The following MARCHF1 variants were observed in gnomAD, a reference collection of about 807,000 sequenced individuals.
MARCHF1 encodes E3 ubiquitin-protein ligase MARCHF1.
Under a neutral mutation model 54.2 loss-of-function variants are expected in MARCHF1, and 40 were observed. That is an observed-to-expected ratio of 0.74 (90% CI 0.57 to 0.96). The LOEUF (loss-of-function observed/expected upper bound fraction) is 0.96, where lower values mean the gene tolerates loss of function less well. Among genes scored for constraint, MARCHF1 ranks in the 40% least tolerant of loss-of-function variants. MARCHF1 has a pLI of 0.00. For synonymous variants in MARCHF1, 236 were observed against 236.3 expected (o/e 1.00, Z 0.01); for missense variants, 586 against 656.5 (o/e 0.89, Z 1.17).
chr4:163,599,634 T>C (rs575273107), intron 7 of MARCHF1, among the ~76,000 whole-genome samples: 3 of 152,324 alleles, frequency 2.0e-5, no homozygotes, highest in African/African-American at 7.2e-5. Flanking sequence ...TGTTTTATTA[T>C]CTGTATTCTC....
At chr4:164,106,093 G>A (rs55696424) in intron 2 of MARCHF1, among the ~76,000 whole-genome samples, 77 of 151,536 alleles carry the variant, frequency 5.1e-4, no homozygotes, top group Middle Eastern at 6.8e-3. Context: ...TTAGAATGGC[G>A]ATCATTAAGA....
chr4:164,059,504 CT>C (rs1275465328), intron 2 of MARCHF1, among the ~76,000 whole-genome samples: 2 of 152,164 alleles, frequency 1.3e-5, no homozygotes, highest in African/African-American at 2.4e-5. Flanking sequence ...AAACATGCTT[CT>C]TTAGCTTTAT....
At chr4:164,239,737 T>C (rs73870830) in intron 1 of MARCHF1, among the ~76,000 whole-genome samples, 1 of 152,298 alleles carries the variant, frequency 6.6e-6, no homozygotes, top group African/African-American at 2.4e-5. Flanking sequence ...AACTTGATCA[T>C]CTCTCAAAAA....
At chr4:163,777,947 G>A (rs1213563085) in intron 4 of MARCHF1, among the ~76,000 whole-genome samples, 1 of 152,136 alleles carries the variant, frequency 6.6e-6, no homozygotes, top group African/African-American at 2.4e-5. Context: ...CGCCAAATTA[G>A]TGGCCATTGG....
At chr4:163,758,860 A>G (rs1308289011) in intron 4 of MARCHF1, among the ~76,000 whole-genome samples, 1 of 152,180 alleles carries the variant, frequency 6.6e-6, no homozygotes, top group Non-Finnish European at 1.5e-5. Context: ...TTGTAACTCA[A>G]TAACTGATAA....
At chr4:163,734,172 C>G (rs918889403) in intron 4 of MARCHF1, among the ~76,000 whole-genome samples, 1 of 152,100 alleles carries the variant, frequency 6.6e-6, no homozygotes, top group African/African-American at 2.4e-5. Flanking sequence ...AAGACTTGAC[C>G]ATTACAAGTG....
chr4:164,287,901 A>T (rs2111356891), intron 1 of MARCHF1, among the ~76,000 whole-genome samples: 1 of 152,296 alleles, frequency 6.6e-6, no homozygotes, highest in East Asian at 1.9e-4. Context: ...CATTTAGAAA[A>T]CCATTAGGTT....
intron 1 of MARCHF1, among the ~76,000 whole-genome samples, chr4:164,135,707 T>G (rs1756386680): frequency 6.6e-6 from 1 of 152,206 alleles, no homozygotes; most frequent in Non-Finnish European, 1.5e-5. Context: ...AGAGCTAGAC[T>G]ATATCAGCCA....
intron 2 of MARCHF1, among the ~76,000 whole-genome samples, chr4:164,027,053 C>T (rs1753784863): frequency 6.6e-6 from 1 of 151,708 alleles, no homozygotes; most frequent in South Asian, 2.1e-4. Flanking sequence ...ATAAGGAGAA[C>T]TAAAAAACAC....
At chr4:164,169,982 T>A (rs189583034) in intron 1 of MARCHF1, among the ~76,000 whole-genome samples, 1 of 152,126 alleles carries the variant, frequency 6.6e-6, no homozygotes, top group Non-Finnish European at 1.5e-5. Context: ...TTCTGGCCAG[T>A]TTTTCTTACT....
intron 5 of MARCHF1, among the ~76,000 whole-genome samples, chr4:163,627,490 C>A (rs560850902): frequency 1.3e-5 from 2 of 152,240 alleles, no homozygotes; most frequent in African/African-American, 4.8e-5. Context: ...ACATTTGGAG[C>A]AGTGAGTAAG....
At chr4:164,340,414 GATAT>G (rs70952623) in intron 1 of MARCHF1, among the ~76,000 whole-genome samples, 2 of 93,376 alleles carry the variant, frequency 2.1e-5, no homozygotes, top group Non-Finnish European at 4.4e-5. Flanking sequence ...TTTATATATA[GATAT>G]ATATATATAT....
At chr4:164,154,493 A>G (rs1011807538) in intron 1 of MARCHF1, among the ~76,000 whole-genome samples, 1 of 152,194 alleles carries the variant, frequency 6.6e-6, no homozygotes, top group Non-Finnish European at 1.5e-5. Context: ...TGCTGTACTC[A>G]TTGTGAAACA....
In MARCHF1 at chr4:163,814,085, G is replaced by C. The variant is rs139203348; in HGVS notation, c.111+39936C>G. ...GCTCTCCCAGGATCGATTGTATCTTGAGTTAAAACAACCTGCTCCATTATC... is the reference window on the plus strand; with the variant it reads ...GCTCTCCCAGGATCGATTGTATCTTCAGTTAAAACAACCTGCTCCATTATC... On this transcript the variant is annotated intron_variant, in intron 4 of 9. Transcript: ENST00000514618. Among the ~76,000 whole-genome samples, 233 of 152,252 alleles carry C rather than the reference G, an allele frequency of 1.5e-3. 1 individual carries two copies. The highest frequency in any genetic ancestry group is 5.4e-3 in the African/African-American group (226 of 41,550).
rs1752055523 is a variant in MARCHF1 at position 163,947,945 on chromosome 4, TG to T, written c.-39+40555del. ...TATGATGTAACATTTCCATTTCTTT[TG>T]GCTATTAGCAAGATTCTAAAGGTAT... is the stretch of plus-strand genomic sequence containing the variant. On this transcript the variant is annotated intron_variant, in intron 3 of 9. Transcript: ENST00000514618. 2.0e-5 allele frequency among the ~76,000 whole-genome samples: 3 copies of T among 152,384 alleles called. No homozygotes were observed. In the East Asian group the frequency reaches 5.8e-4, roughly 29 times the overall value.
intron 1 of MARCHF1, among the ~76,000 whole-genome samples, chr4:164,143,571 T>C (rs370898535): frequency 0.012 from 1,818 of 151,670 alleles, 35 homozygotes; most frequent in East Asian, 0.085. Context: ...CCAGCCAAAC[T>C]AAGCTTCATA....
At chr4:164,250,465 C>T (rs893520088) in intron 1 of MARCHF1, among the ~76,000 whole-genome samples, 2 of 151,992 alleles carry the variant, frequency 1.3e-5, no homozygotes, top group East Asian at 1.9e-4. Context: ...ACTTTCAGTA[C>T]TATTTTGATC....
chr4:164,084,669 T>G (rs1755160534), intron 2 of MARCHF1, among the ~76,000 whole-genome samples: 1 of 151,878 alleles, frequency 6.6e-6, no homozygotes, highest in African/African-American at 2.4e-5. Flanking sequence ...AATGCCTCTA[T>G]GAATCATAAA....
chr4:163,695,187 C>A (rs1353692567), intron 5 of MARCHF1, among the ~76,000 whole-genome samples: 1 of 152,076 alleles, frequency 6.6e-6, no homozygotes, highest in African/African-American at 2.4e-5. Context: ...ATTCTCAGTA[C>A]ATTTTATACA....
Sources: allele counts gnomAD v4.1 joint callset (sites outside exome capture counted in the v4.1 genomes callset), GRCh38; gene constraint gnomAD v4.1.1; transcripts MANE v1.5; gene names NCBI Gene and HGNC (gene_info 2026-07-23, HGNC 2026-07-21).